LRRC52: variants seen among roughly 807,000 people sequenced by gnomAD.
LRRC52 encodes leucine rich repeat containing 52.
A neutral mutation model predicts 14.7 loss-of-function variants in LRRC52; 15 were observed. That is an observed-to-expected ratio of 1.02 (90% CI 0.68 to 1.58). The LOEUF is 1.58. Ranked by LOEUF, LRRC52 falls within the 40% of genes most tolerant of loss-of-function variation. LRRC52 has a pLI of 0.00. For missense variants in LRRC52, 400 were observed against 387.7 expected (o/e 1.03, Z -0.27); for synonymous variants, 180 against 163.9 (o/e 1.10, Z -0.75).
rs960251948 is a variant in LRRC52 at position 165,563,865 on chromosome 1, C to T, written c.*41C>T. ...ATCTTATGTGCCTCCCCCAGGCTCC[C>T]TGCTTTCTCTCTTGCCCTCCCCATC... On this transcript the variant is annotated 3_prime_UTR_variant, in exon 2 of 2. Transcript: ENST00000294818. 6.3e-7 allele frequency: 1 copy of T among 1,580,370 alleles called. No homozygotes were observed. The highest frequency in any genetic ancestry group is 1.2e-5 in the South Asian group (1 of 85,766).
At chr1:165,557,820 A>G (rs748129989) in intron 1 of LRRC52, among the ~76,000 whole-genome samples, 25 of 152,328 alleles carry the variant, frequency 1.6e-4, no homozygotes, top group African/African-American at 5.1e-4. Context: ...AGTAATTGCA[A>G]TGCCTTCAGA....
chr1:165,561,452 GCCTC>G (rs1661340715), intron 1 of LRRC52, among the ~76,000 whole-genome samples: 1 of 152,136 alleles, frequency 6.6e-6, no homozygotes, highest in Non-Finnish European at 1.5e-5. Flanking sequence ...GCTCCCAGGC[GCCTC>G]CCCTGCTCAT....
chr1:165,563,873 T>G lies in LRRC52; in HGVS notation c.*49T>G. The G allele has an allele frequency of 6.4e-7, 1 of 1,558,204 alleles. No homozygotes were observed. The highest frequency in any genetic ancestry group is 1.2e-5 in the South Asian group (1 of 83,966). ...TGCCTCCCCCAGGCTCCCTGCTTTC[T>G]CTCTTGCCCTCCCCATCCCACCACC... On this transcript the variant is annotated 3_prime_UTR_variant, in exon 2 of 2. Coordinates refer to ENST00000294818, the MANE Select transcript of LRRC52 (RefSeq NM_001005214.4).
intron 1 of LRRC52, among the ~76,000 whole-genome samples, chr1:165,545,476 G>A (rs568324881): frequency 6.6e-6 from 1 of 152,272 alleles, no homozygotes; most frequent in East Asian, 1.9e-4. Flanking sequence ...GTGAGAGAGG[G>A]AGGGAAGAAG....
In LRRC52 at chr1:165,544,545, C is replaced by T. The variant is rs1178343129; in HGVS notation, c.249C>T (p.Asp83=). Reference sequence around the variant, plus strand: ...TCCTCAGTGACCTTGTTTATTTGGACTGTCAGAACAACCGGATTCGAGAGG... The same window carrying T: ...TCCTCAGTGACCTTGTTTATTTGGATTGTCAGAACAACCGGATTCGAGAGG... The part of the protein sequence containing the change: ...LGLLSDLVYL[D]CQNNRIREVM... Residue 83 remains aspartate (D), a synonymous_variant, in exon 1 of 2, where the codon GAC becomes GAT. Transcript: ENST00000294818. 7 of 1,613,986 alleles carry T rather than the reference C, an allele frequency of 4.3e-6. No homozygotes were observed. The African/African-American group carries it at 6.7e-5, about 15-fold the overall frequency.
At position 165,563,492 on chromosome 1, in the gene LRRC52, T is replaced by C. The variant is rs756596505; in HGVS notation, c.623-13T>C. 31 of 1,603,176 alleles carry C rather than the reference T, an allele frequency of 1.9e-5. No individual in the cohort carries two copies. Among genetic ancestry groups the C allele is most frequent in the Non-Finnish European group, 2.6e-5 (31 of 1,173,842 alleles). The stretch of plus-strand genomic sequence containing the variant: ...CTGTTTCAGCACCCTGCCTGCTGTG[T>C]TTTTCTTCTTAGATGATCTAAATGC... On this transcript the variant is annotated splice_polypyrimidine_tract_variant and intron_variant, in intron 1 of 1. Transcript: ENST00000294818.
intron 1 of LRRC52, among the ~76,000 whole-genome samples, chr1:165,558,391 C>T (rs920215053): frequency 4.6e-5 from 7 of 152,076 alleles, no homozygotes; most frequent in Non-Finnish European, 7.4e-5. Context: ...CAGTACTTGC[C>T]GACCCCCTGT....
rs773331506 is a variant in LRRC52, at chr1:165,563,870, TTC to T, written c.*52_*53del. The T allele has an allele frequency of 6.4e-7, 1 of 1,573,644 alleles. No individual in the cohort carries two copies. The highest frequency in any genetic ancestry group is 1.3e-5 in the African/African-American group (1 of 74,262). On this transcript the variant is annotated 3_prime_UTR_variant, in exon 2 of 2. Transcript: ENST00000294818. ...ATGTGCCTCCCCCAGGCTCCCTGCT[TTC>T]TCTCTTGCCCTCCCCATCCCACCAC...
intron 1 of LRRC52, among the ~76,000 whole-genome samples, chr1:165,548,349 T>G (rs558950507): frequency 6.6e-6 from 1 of 152,318 alleles, no homozygotes; most frequent in African/African-American, 2.4e-5. Context: ...GAGTGCCTAC[T>G]ATGTGCCAAA....
intron 1 of LRRC52, among the ~76,000 whole-genome samples, chr1:165,555,815 C>T (rs1045929949): frequency 1.3e-5 from 2 of 152,236 alleles, no homozygotes; most frequent in Non-Finnish European, 2.9e-5. Context: ...AATGATGGTG[C>T]CCTTCGGCTC....
intron 1 of LRRC52, among the ~76,000 whole-genome samples, chr1:165,545,720 T>C (rs1038669551): frequency 1.3e-5 from 2 of 152,132 alleles, no homozygotes; most frequent in African/African-American, 4.8e-5. Context: ...CTTCATTCCC[T>C]CTTTATCTTA....
At chr1:165,561,332 C>T (rs1661337210) in intron 1 of LRRC52, among the ~76,000 whole-genome samples, 1 of 152,230 alleles carries the variant, frequency 6.6e-6, no homozygotes, top group South Asian at 2.1e-4. Context: ...ATCCCAGACC[C>T]TCCGAATCCC....
At chr1:165,553,786 G>T (rs1571108831) in intron 1 of LRRC52, among the ~76,000 whole-genome samples, 2 of 152,228 alleles carry the variant, frequency 1.3e-5, no homozygotes, top group Middle Eastern at 6.8e-3. Context: ...GTAATAACAG[G>T]GGACAAATAC....
chr1:165,562,096 C>T (rs1042305415), intron 1 of LRRC52, among the ~76,000 whole-genome samples: 13 of 152,196 alleles, frequency 8.5e-5, no homozygotes, highest in South Asian at 4.1e-4. Flanking sequence ...ATCCCACTTA[C>T]GCAAAGCAAG....
intron 1 of LRRC52, among the ~76,000 whole-genome samples, chr1:165,559,004 GA>G (rs1462115536): frequency 6.6e-6 from 1 of 152,212 alleles, no homozygotes; most frequent in Non-Finnish European, 1.5e-5. Flanking sequence ...TAGAGATAAT[GA>G]GAGATATTGG....
chr1:165,544,262 G>A lies in LRRC52; in HGVS notation c.-35G>A. 6.9e-7 allele frequency: 1 copy of A among 1,456,444 alleles called. No homozygotes were observed. The highest frequency in any genetic ancestry group is 9.2e-7 in the Non-Finnish European group (1 of 1,083,488). 90.2% of individuals were successfully genotyped at this position (1,456,444 alleles called of 1,614,324 possible). ...TTCGGATCAGAGGACAGAGCCCGCA[G>A]GAAGGTGAAAGGAGGGTGGTTGTGG... On this transcript the variant is annotated 5_prime_UTR_variant, in exon 1 of 2. Coordinates refer to ENST00000294818, the MANE Select transcript of LRRC52 (RefSeq NM_001005214.4).
chr1:165,549,576 C>A (rs1413741853), intron 1 of LRRC52, among the ~76,000 whole-genome samples: 1 of 152,162 alleles, frequency 6.6e-6, no homozygotes, highest in Admixed American at 6.5e-5. Flanking sequence ...GCTCTCATAT[C>A]AGAAGGAGGA....
chr1:165,549,615 G>A (rs1291531474), intron 1 of LRRC52, among the ~76,000 whole-genome samples: 1 of 152,194 alleles, frequency 6.6e-6, no homozygotes, highest in Admixed American at 6.5e-5. Context: ...GATTAGCTAA[G>A]ATTAATTCTG....
At chr1:165,562,430 A>C (rs369598) in intron 1 of LRRC52, among the ~76,000 whole-genome samples, 43,663 of 152,022 alleles carry the variant, frequency 0.29, 6,276 homozygotes, top group South Asian at 0.35. Flanking sequence ...CTCAGCATGG[A>C]AGAGTATATG....
Sources: allele counts gnomAD v4.1 joint callset (sites outside exome capture counted in the v4.1 genomes callset), GRCh38; gene constraint gnomAD v4.1.1; transcripts MANE v1.5; gene names NCBI Gene and HGNC (gene_info 2026-07-23, HGNC 2026-07-21).